Variants in NFIA observed in about 807,000 individuals in gnomAD.
NFIA encodes nuclear factor 1 A-type.
Under a neutral mutation model 62.8 loss-of-function variants are expected in NFIA, and 8 were observed. That is an observed-to-expected ratio of 0.13 (90% CI 0.07 to 0.23). The LOEUF is 0.23. Ranked by LOEUF, NFIA falls within the 10% of genes least tolerant of loss-of-function variation. The probability of loss-of-function intolerance (pLI) is 1.00; values close to 1 mark genes in which losing one functional copy is unlikely to be tolerated. For synonymous variants in NFIA, 235 were observed against 238.1 expected (o/e 0.99, Z 0.12); for missense variants, 410 against 642.1 (o/e 0.64, Z 3.91).
chr1:61,288,995 C>G (rs879471576), intron 3 of NFIA, among the ~76,000 whole-genome samples: 1 of 152,142 alleles, frequency 6.6e-6, no homozygotes, highest in Non-Finnish European at 1.5e-5. Context: ...GGTTCAAACT[C>G]CTGGGCTCAA....
intron 9 of NFIA, among the ~76,000 whole-genome samples, chr1:61,417,278 TG>T (rs2100541931): frequency 6.7e-6 from 1 of 148,890 alleles, no homozygotes; most frequent in African/African-American, 2.5e-5. Flanking sequence ...TGTGTGTGTG[TG>T]TGTGTGTGTG....
At chr1:61,440,312 T>C (rs1667517783) in intron 10 of NFIA, among the ~76,000 whole-genome samples, 1 of 152,206 alleles carries the variant, frequency 6.6e-6, no homozygotes, top group Admixed American at 6.5e-5. Flanking sequence ...CTAAATTTAA[T>C]GATGATTATT....
Position 61,088,383 on chromosome 1 carries a change from C to G in NFIA, c.262C>G (p.Arg88Gly), listed in dbSNP as rs139262971. 2 of 1,613,780 alleles carry G rather than the reference C, an allele frequency of 1.2e-6. No homozygotes were observed. The highest frequency in any genetic ancestry group is 1.7e-6 in the Non-Finnish European group (2 of 1,179,932). ...GCGGAAAGATATCCGACCCGAATAT[C>G]GAGAGGATTTTGTTCTTACAGTTAC... ...KLRKDIRPEY[R>G]EDFVLTVTGK... The change falls in exon 2 of 11, where the codon CGA (arginine) becomes GGA (glycine). Residue 88 changes from arginine to glycine, a missense_variant. By Grantham distance (125) the Arg-to-Gly change is moderately radical. Coordinates refer to ENST00000403491, the MANE Select transcript of NFIA (RefSeq NM_001134673.4). This position sits in a 1 kb window ranked among gnomAD's most constrained non-coding sequence, Gnocchi z 4.5.
At chr1:61,443,684 T>C (rs190889169) in intron 10 of NFIA, among the ~76,000 whole-genome samples, 86 of 152,346 alleles carry the variant, frequency 5.6e-4, no homozygotes, top group Non-Finnish European at 7.6e-4. Context: ...CATTGATTTA[T>C]TACTGCTGTA....
intron 3 of NFIA, among the ~76,000 whole-genome samples, chr1:61,323,093 C>T (rs980637932): frequency 1.3e-5 from 2 of 152,174 alleles, no homozygotes; most frequent in East Asian, 1.9e-4. Context: ...GTGTGTAAGT[C>T]CCATGACACA....
intron 3 of NFIA, among the ~76,000 whole-genome samples, chr1:61,278,683 T>C (rs957515944): frequency 2.0e-5 from 3 of 152,114 alleles, no homozygotes; most frequent in Non-Finnish European, 4.4e-5. Flanking sequence ...CCCAGCTACT[T>C]GGGAGGCTTA....
intron 6 of NFIA, among the ~76,000 whole-genome samples, chr1:61,373,217 T>C (rs967810500): frequency 1.3e-5 from 2 of 152,064 alleles, no homozygotes; most frequent in African/African-American, 4.8e-5. Flanking sequence ...TCAAAGCAGT[T>C]TATTTGTGGG....
chr1:61,417,903 G>GTTA lies in NFIA; in HGVS notation c.1421-8562_1421-8561insTTA, dbSNP rs369720722. On this transcript the variant is annotated intron_variant, in intron 9 of 10. Coordinates refer to ENST00000403491, the MANE Select transcript of NFIA (RefSeq NM_001134673.4). ...AGTGACCTGTTGGATATCACAGAGG[G>GTTA]GTAAAGCCTTAGTTAAAGGGCTGGG... is the stretch of plus-strand genomic sequence containing the variant. 4.4e-3 allele frequency among the ~76,000 whole-genome samples: 669 copies of GTTA among 152,162 alleles called. 7 individuals are homozygous for GTTA. The highest frequency in any genetic ancestry group is 0.015 in the African/African-American group (632 of 41,510).
intron 10 of NFIA, among the ~76,000 whole-genome samples, chr1:61,449,306 C>CTT (rs1667961434): frequency 1.3e-5 from 2 of 152,216 alleles, no homozygotes; most frequent in South Asian, 4.1e-4. Context: ...ATTGGGGTGA[C>CTT]TGACACCAGG....
chr1:61,437,356 T>C (rs1305962836), intron 10 of NFIA, among the ~76,000 whole-genome samples: 1 of 152,090 alleles, frequency 6.6e-6, no homozygotes, highest in African/African-American at 2.4e-5. Flanking sequence ...AGGAGGGACC[T>C]ATGGTCTTGG....
intron 8 of NFIA, 43 bp downstream of exon 8, chr1:61,404,325 C>G (rs565533522): frequency 2.1e-5 from 32 of 1,531,334 alleles, no homozygotes; most frequent in Non-Finnish European, 2.7e-5. Flanking sequence ...AAATGTTAGC[C>G]GAATATAAAA....
At chr1:61,451,817 A>C (rs1017335067) in intron 10 of NFIA, among the ~76,000 whole-genome samples, 6 of 152,224 alleles carry the variant, frequency 3.9e-5, no homozygotes, top group African/African-American at 1.4e-4. Flanking sequence ...ATTTGGATAC[A>C]GTAGGGTAGA....
rs138021781 is a variant in NFIA, at chr1:61,460,954, A to T, written c.*5634A>T. ...TCTTTTCTTGATTTCGGCTGTTTTC[A>T]GTATTTTGGAGGTATACATTTACTT... On this transcript the variant is annotated 3_prime_UTR_variant, in exon 11 of 11. Coordinates refer to ENST00000403491, the MANE Select transcript of NFIA (RefSeq NM_001134673.4). The T allele has an allele frequency of 6.6e-6, 1 of 152,184 alleles. No individual in the cohort carries two copies. Among genetic ancestry groups the T allele is most frequent in the Non-Finnish European group, 1.5e-5 (1 of 68,022 alleles). The allele number at this position is 152,184 out of a possible 1,614,324, so 9.4% of individuals were successfully genotyped here.
At chr1:61,411,117 A>C (rs374668690) in intron 9 of NFIA, among the ~76,000 whole-genome samples, 12 of 152,102 alleles carry the variant, frequency 7.9e-5, no homozygotes, top group African/African-American at 2.7e-4. Context: ...CATCATTTTT[A>C]ATATCTTCTT....
chr1:61,350,090 T>C (rs1349429800), intron 4 of NFIA, among the ~76,000 whole-genome samples: 2 of 152,170 alleles, frequency 1.3e-5, no homozygotes, highest in Non-Finnish European at 2.9e-5. Flanking sequence ...GACTGATCTT[T>C]CTAGGTGATA....
rs1345055180 is a variant in NFIA at position 61,460,528 on chromosome 1, G to A, written c.*5208G>A. The A allele has an allele frequency of 6.6e-6, 1 of 152,190 alleles. No homozygotes were observed. The highest frequency in any genetic ancestry group is 1.5e-5 in the Non-Finnish European group (1 of 68,032). 9.4% of individuals were successfully genotyped at this position (152,190 alleles called of 1,614,324 possible). ...CAGTGTTTATCTGCATGAGAACTAT[G>A]CACTAATCTATCTGAAGAAAAAAAC... On this transcript the variant is annotated 3_prime_UTR_variant, in exon 11 of 11. Coordinates refer to ENST00000403491, the MANE Select transcript of NFIA (RefSeq NM_001134673.4).
chr1:61,166,287 C>G (rs890005319), intron 2 of NFIA, among the ~76,000 whole-genome samples: 1 of 152,188 alleles, frequency 6.6e-6, no homozygotes, highest in African/African-American at 2.4e-5. Flanking sequence ...TCATCCCAAT[C>G]TTATAAATTA....
At chr1:61,307,919 A>G (rs1010397552) in intron 3 of NFIA, among the ~76,000 whole-genome samples, 3 of 152,122 alleles carry the variant, frequency 2.0e-5, no homozygotes, top group Non-Finnish European at 4.4e-5. Context: ...TGTTGTTGTT[A>G]TTATTATTGT....
intron 3 of NFIA, among the ~76,000 whole-genome samples, chr1:61,312,596 T>G (rs1660177283): frequency 1.3e-5 from 2 of 152,022 alleles, no homozygotes; most frequent in South Asian, 4.1e-4. Context: ...CACTGCAGCC[T>G]CAACTTCCCA....
Sources: gnomAD v4.1 joint callset for allele counts (sites outside exome capture counted in the v4.1 genomes callset) on GRCh38, gnomAD v4.1.1 for gene constraint, Gnocchi (gnomAD v3.1) non-coding constraint, MANE v1.5 for transcripts, NCBI Gene and HGNC (gene_info 2026-07-23, HGNC 2026-07-21) for gene names.